The following STARD13 variants were observed in gnomAD, a reference collection of about 807,000 sequenced individuals.
STARD13 encodes the protein stAR-related lipid transfer protein 13.
A neutral mutation model predicts 106.4 loss-of-function variants in STARD13; 62 were observed. That is an observed-to-expected ratio of 0.58 (90% CI 0.48 to 0.72). STARD13 has a LOEUF of 0.72. STARD13 is among the 30% of genes least tolerant of loss of function. The probability of loss-of-function intolerance (pLI) is 0.00; values close to 1 mark genes in which losing one functional copy is unlikely to be tolerated. For synonymous variants in STARD13, 565 were observed against 553.0 expected, an observed-to-expected ratio of 1.02 and a Z score of -0.31; for missense variants, 1,387 against 1,424.0, an observed-to-expected ratio of 0.97 and a Z score of 0.42.
the STARD13 span, among the ~76,000 whole-genome samples, chr13:33,537,686 C>A: frequency 1.3e-5 from 2 of 150,706 alleles, no homozygotes; most frequent in Admixed American, 6.6e-5. Flanking sequence ...TCTTTACTGG[C>A]ATAAAAAAAA....
intron 1 of STARD13, chr13:33,185,758 T>C (rs1218289089): frequency 1.1e-6 from 1 of 907,166 alleles, no homozygotes; most frequent in African/African-American, 1.6e-5. Flanking sequence ...TCTAGTTTTA[T>C]CTTTCCGCCA....
At chr13:33,467,091 G>C in the STARD13 span, among the ~76,000 whole-genome samples, 1 of 152,160 alleles carries the variant, frequency 6.6e-6, no homozygotes, top group East Asian at 1.9e-4. Flanking sequence ...TACATTTATT[G>C]TTAACTTTAT....
the STARD13 span, among the ~76,000 whole-genome samples, chr13:33,494,496 T>C: frequency 6.6e-6 from 1 of 152,112 alleles, no homozygotes; most frequent in East Asian, 1.9e-4. Flanking sequence ...GAAAAGGAAT[T>C]ATAATCAGAA....
In STARD13 at chr13:33,251,390, C is replaced by G. The variant is rs546619571; in HGVS notation, c.169+34080G>C. Among the ~76,000 whole-genome samples the G allele has an allele frequency of 2.6e-5, 4 of 152,294 alleles. No homozygotes were observed. The South Asian group carries it at 6.2e-4, about 24-fold the overall frequency. On this transcript the variant is annotated intron_variant, in intron 1 of 13. Transcript: ENST00000336934. The stretch of plus-strand genomic sequence containing the variant: ...ATTGCCCCTCTTTCCAAGTGAATCA[C>G]TTCATTAAAATGAAAGGTTTACTAA...
At chr13:33,495,291 A>T in the STARD13 span, among the ~76,000 whole-genome samples, 1 of 152,226 alleles carries the variant, frequency 6.6e-6, no homozygotes, top group African/African-American at 2.4e-5. Flanking sequence ...GCCAATTATC[A>T]TCTTAACCAT....
rs973890591 is a variant in STARD13, at chr13:33,200,837, C to T, written c.170-33215G>A. 6.6e-5 allele frequency among the ~76,000 whole-genome samples: 10 copies of T among 151,106 alleles called. No homozygotes were observed. In the East Asian group the frequency reaches 1.4e-3, roughly 21 times the overall value. ...GAGATTGAGACCATCCTGGCTAACA[C>T]GGTGAAACCCGTCTCTACTAAAAAA... On this transcript the variant is annotated intron_variant, in intron 1 of 13. Transcript: ENST00000336934.
the STARD13 span, among the ~76,000 whole-genome samples, chr13:33,433,315 T>C: frequency 6.6e-6 from 1 of 152,218 alleles, no homozygotes; most frequent in Non-Finnish European, 1.5e-5. Context: ...CCAGAAGACC[T>C]CAAAAGGGAG....
In STARD13 at chr13:33,152,594, C is replaced by T. The variant is rs9568949; in HGVS notation, c.324-10221G>A. On this transcript the variant is annotated intron_variant, in intron 3 of 13. Coordinates refer to ENST00000336934, the MANE Select transcript of STARD13 (RefSeq NM_178006.4). ...ACAGCCTTGTTGCCTCCAGCCAGAC[C>T]TCAAGGTGGCCCATTACTCAAGATA... Among the ~76,000 whole-genome samples, 999 of 152,250 alleles carry T rather than the reference C, an allele frequency of 6.6e-3. 6 individuals are homozygous for T. Among genetic ancestry groups the T allele is most frequent in the East Asian group, 0.06 (312 of 5,176 alleles).
chr13:33,333,394 T>C (rs1461530291), intron 1 of STARD13, among the ~76,000 whole-genome samples: 2 of 152,008 alleles, frequency 1.3e-5, no homozygotes, highest in African/African-American at 4.8e-5. Context: ...CCTCAAAAAA[T>C]AAAATAAAAA....
At chr13:33,342,984 C>T (rs2077977230) in intron 1 of STARD13, among the ~76,000 whole-genome samples, 1 of 152,200 alleles carries the variant, frequency 6.6e-6, no homozygotes, top group Admixed American at 6.5e-5. Flanking sequence ...CACCCAGTTC[C>T]CAAGTTTTAT....
the STARD13 span, among the ~76,000 whole-genome samples, chr13:33,594,961 G>A: frequency 3.9e-5 from 6 of 152,286 alleles, no homozygotes; most frequent in African/African-American, 1.2e-4. Flanking sequence ...GAATAATGCT[G>A]CTGTGAACAT....
intron 1 of STARD13, chr13:33,333,872 T>C (rs1006132360): frequency 2.0e-5 from 3 of 152,216 alleles, no homozygotes; most frequent in African/African-American, 7.2e-5. Flanking sequence ...ATTTCACTTA[T>C]AATCACAAGA....
chr13:33,112,603 A>C, intron 9 of STARD13, 118 bp downstream of exon 9: 1 of 825,454 alleles, frequency 1.2e-6, no homozygotes, highest in Admixed American at 2.4e-5. Flanking sequence ...TCTATCTATA[A>C]TCTGTCTACC....
the STARD13 span, among the ~76,000 whole-genome samples, chr13:33,501,078 C>CTTTTTTTT: frequency 1.1e-4 from 10 of 94,094 alleles, no homozygotes; most frequent in East Asian, 3.2e-4. Flanking sequence ...TCTCTCTCTC[C>CTTTTTTTT]TTTTTTTTTT....
the STARD13 span, among the ~76,000 whole-genome samples, chr13:33,622,910 C>A: frequency 7.0e-6 from 1 of 142,774 alleles, no homozygotes; most frequent in Non-Finnish European, 1.5e-5. Context: ...CAGAGCAAAA[C>A]TCTGTCTAAA....
the STARD13 span, among the ~76,000 whole-genome samples, chr13:33,582,932 C>A: frequency 6.6e-6 from 1 of 152,188 alleles, no homozygotes; most frequent in Admixed American, 6.5e-5. Flanking sequence ...CCAATTTCGG[C>A]TTCCACCAAT....
the STARD13 span, among the ~76,000 whole-genome samples, chr13:33,671,062 C>A: frequency 6.6e-6 from 1 of 152,314 alleles, no homozygotes; most frequent in East Asian, 1.9e-4. Flanking sequence ...CAAAGTTGGT[C>A]TGAATTGCCA....
At chr13:33,180,314 G>A (rs1266865092) in intron 1 of STARD13, 2 of 152,162 alleles carry the variant, frequency 1.3e-5, no homozygotes, top group Admixed American at 6.5e-5. Context: ...ACAGTATTGC[G>A]ATTATGGTTT....
intron 1 of STARD13, among the ~76,000 whole-genome samples, chr13:33,294,604 A>G (rs1423043667): frequency 1.3e-5 from 2 of 152,208 alleles, no homozygotes; most frequent in African/African-American, 4.8e-5. Flanking sequence ...TAACAAATTT[A>G]CTATCTGGTA....
Sources: gnomAD v4.1 joint callset for allele counts (sites outside exome capture counted in the v4.1 genomes callset) on GRCh38, gnomAD v4.1.1 for gene constraint, MANE v1.5 for transcripts, NCBI Gene and HGNC (gene_info 2026-07-23, HGNC 2026-07-21) for gene names.